Variants in SCN8A observed in about 807,000 individuals in gnomAD.
SCN8A encodes the protein sodium channel protein type 8 subunit alpha.
A neutral mutation model predicts 184.1 loss-of-function variants in SCN8A; 30 were observed. The ratio of observed to expected loss-of-function variants is 0.16; its 90% CI spans 0.12 to 0.22. The LOEUF (loss-of-function observed/expected upper bound fraction) is 0.22, where lower values mean the gene tolerates loss of function less well. Among genes scored for constraint, SCN8A ranks in the 10% least tolerant of loss-of-function variants. The pLI is 1.00. For synonymous variants in SCN8A, 852 were observed against 907.0 expected (o/e 0.94, Z 1.09); for missense variants, 1,057 against 2,498.9 (o/e 0.42, Z 12.30).
In SCN8A at chr12:51,745,813, T is replaced by C. The variant is rs1592140145; in HGVS notation, c.1999-90T>C. The C allele has an allele frequency of 1.3e-5, 14 of 1,045,890 alleles. No homozygotes were observed. In the South Asian group the frequency reaches 3.0e-4, roughly 23 times the overall value. 64.8% of individuals were successfully genotyped at this position (1,045,890 alleles called of 1,614,324 possible). ...TCAAAGTTAAAGACTGTAATGAAGA[T>C]CACACACTGGACTGTGTATCAAGTA... On this transcript the variant is annotated intron_variant, in intron 12 of 26. Transcript: ENST00000627620.
chr12:51,705,674 A>G, intron 10 of SCN8A, 51 bp downstream of exon 10: 15 of 1,497,470 alleles, frequency 1.0e-5, no homozygotes, highest in Non-Finnish European at 1.3e-5. Context: ...CATGGTGACT[A>G]AGACCCCATC....
intron 9 of SCN8A, among the ~76,000 whole-genome samples, chr12:51,704,327 T>C (rs1309191921): frequency 6.6e-6 from 1 of 152,154 alleles, no homozygotes; most frequent in East Asian, 1.9e-4. Context: ...GTCATATCCT[T>C]TTAAAACTCA....
Position 51,591,285 on chromosome 12 carries a change from C to A in SCN8A, c.-129C>A, listed in dbSNP as rs1230850037. Reference sequence around the variant, plus strand: ...GCAGTCCCGCCCGCCGCATCCTCGGCGCCTTTGCAGTCCGGCCGCGCCTCC... The same window carrying A: ...GCAGTCCCGCCCGCCGCATCCTCGGAGCCTTTGCAGTCCGGCCGCGCCTCC... On this transcript the variant is annotated 5_prime_UTR_variant, in exon 1 of 27. Transcript: ENST00000627620. The A allele has an allele frequency of 6.5e-6, 1 of 153,730 alleles. No homozygotes were observed. Among genetic ancestry groups the A allele is most frequent in the Non-Finnish European group, 1.5e-5 (1 of 68,894 alleles). 9.5% of individuals were successfully genotyped at this position (153,730 alleles called of 1,614,324 possible). A position where few individuals can be genotyped will look rare whatever the true frequency, so the allele number is the denominator to read the frequency against.
At chr12:51,757,187 C>T (rs74091651) in intron 14 of SCN8A, among the ~76,000 whole-genome samples, 3,172 of 152,276 alleles carry the variant, frequency 0.021, 103 homozygotes, top group African/African-American at 0.069. Flanking sequence ...TCAACAGGTA[C>T]GAGTTGATCA....
rs1291487333 is a variant in SCN8A, at chr12:51,790,386, TC to T, written c.4420-9del. On this transcript the variant is annotated splice_polypyrimidine_tract_variant and intron_variant, in intron 24 of 26. Coordinates refer to ENST00000627620, the MANE Select transcript of SCN8A (RefSeq NM_001330260.2). ...CAGTTGTAATTGTCTGTTTTCTTCTTCCCTCCTTTACTTCGGAGGTCAGGAC... is the reference window on the plus strand; with the variant it reads ...CAGTTGTAATTGTCTGTTTTCTTCTTCCTCCTTTACTTCGGAGGTCAGGAC... 1 of 1,585,878 alleles carries T rather than the reference TC, an allele frequency of 6.3e-7. No homozygotes were observed. The highest frequency in any genetic ancestry group is 8.6e-7 in the Non-Finnish European group (1 of 1,159,344).
At chr12:51,688,424 C>T (rs951570678) in intron 5 of SCN8A, among the ~76,000 whole-genome samples, 18 of 152,102 alleles carry the variant, frequency 1.2e-4, no homozygotes, top group African/African-American at 3.1e-4. Flanking sequence ...AGAAATTGTT[C>T]GCAAAACCTG....
intron 14 of SCN8A, among the ~76,000 whole-genome samples, chr12:51,752,343 C>T (rs963473984): frequency 1.3e-5 from 2 of 151,942 alleles, no homozygotes; most frequent in Admixed American, 1.3e-4. Flanking sequence ...TGGCTATTAC[C>T]GTTTATTAAT....
chr12:51,635,405 T>C (rs1021053444), intron 1 of SCN8A, among the ~76,000 whole-genome samples: 6 of 152,220 alleles, frequency 3.9e-5, no homozygotes, highest in African/African-American at 9.6e-5. Context: ...ATTTTGTTCA[T>C]CATTGAATCA....
intron 6 of SCN8A, among the ~76,000 whole-genome samples, chr12:51,694,819 C>G (rs118111407): frequency 1.3e-5 from 2 of 152,280 alleles, no homozygotes; most frequent in Non-Finnish European, 2.9e-5. Flanking sequence ...CCTTTATTGA[C>G]AGGTGTTGAT....
At chr12:51,740,218 A>G (rs1246814673) in intron 12 of SCN8A, among the ~76,000 whole-genome samples, 1 of 152,198 alleles carries the variant, frequency 6.6e-6, no homozygotes, top group Non-Finnish European at 1.5e-5. Flanking sequence ...GATTTTGTTT[A>G]TGGCCAGTTT....
intron 1 of SCN8A, among the ~76,000 whole-genome samples, chr12:51,610,646 A>G (rs766284781): frequency 6.6e-6 from 1 of 152,140 alleles, no homozygotes; most frequent in Non-Finnish European, 1.5e-5. Context: ...TTTCCTTCAT[A>G]TATGATGCTT....
chr12:51,794,791 C>T (rs1938363426), intron 26 of SCN8A, 150 bp downstream of exon 26: 2 of 695,794 alleles, frequency 2.9e-6, no homozygotes, highest in South Asian at 2.2e-5. Flanking sequence ...TGAGTCATCT[C>T]GGGGGCCTGC....
chr12:51,713,407 A>G, intron 11 of SCN8A: 1 of 862,972 alleles, frequency 1.2e-6, no homozygotes. Context: ...GGGGTCTCTC[A>G]TTACCACACA....
intron 26 of SCN8A, among the ~76,000 whole-genome samples, chr12:51,797,180 A>G (rs1441779704): frequency 6.6e-6 from 1 of 152,222 alleles, no homozygotes; most frequent in Admixed American, 6.5e-5. Context: ...CTCCAAATAA[A>G]TACAATAATA....
In SCN8A at chr12:51,809,993, AT is replaced by A. The variant is rs1363272500; in HGVS notation, c.*2565del. On this transcript the variant is annotated 3_prime_UTR_variant, in exon 27 of 27. Coordinates refer to ENST00000627620, the MANE Select transcript of SCN8A (RefSeq NM_001330260.2). Reference sequence around the variant, plus strand: ...TCTATGCAAGATTTGGCTAAACTTAATAATTGTTCTTAGGTCTTGAGATGGG... The same window carrying A: ...TCTATGCAAGATTTGGCTAAACTTAAAATTGTTCTTAGGTCTTGAGATGGG... The A allele has an allele frequency of 6.6e-6, 1 of 152,444 alleles. No individual in the cohort carries two copies. The highest frequency in any genetic ancestry group is 1.5e-5 in the Non-Finnish European group (1 of 68,166). The allele number at this position is 152,444 out of a possible 1,614,324, so 9.4% of individuals were successfully genotyped here.
chr12:51,757,422 C>T (rs762383149), intron 14 of SCN8A, among the ~76,000 whole-genome samples: 2 of 152,078 alleles, frequency 1.3e-5, no homozygotes, highest in Non-Finnish European at 2.9e-5. Flanking sequence ...AAGCCCTTTT[C>T]TGAGCACAAA....
intron 1 of SCN8A, among the ~76,000 whole-genome samples, chr12:51,592,465 CACTT>C (rs1939249865): frequency 6.6e-6 from 1 of 152,120 alleles, no homozygotes; most frequent in Non-Finnish European, 1.5e-5. Context: ...CCCTCTTCCT[CACTT>C]ACACTGCAGT....
intron 18 of SCN8A, 190 bp from the exon 19 acceptor site, chr12:51,770,339 C>T (rs1942905392): frequency 3.1e-6 from 2 of 644,990 alleles, no homozygotes; most frequent in Middle Eastern, 4.2e-4. Context: ...GGGCCTTGCC[C>T]CATTAGCCTT....
chr12:51,720,647 A>G (rs1942037804), intron 11 of SCN8A, among the ~76,000 whole-genome samples: 1 of 151,798 alleles, frequency 6.6e-6, no homozygotes, highest in Non-Finnish European at 1.5e-5. Flanking sequence ...CATAAATAAA[A>G]TGGGGTGGGA....
Sources: gnomAD v4.1 joint callset for allele counts (sites outside exome capture counted in the v4.1 genomes callset) on GRCh38, gnomAD v4.1.1 for gene constraint, MANE v1.5 for transcripts, NCBI Gene and HGNC (gene_info 2026-07-23, HGNC 2026-07-21) for gene names.